SPMIP11: variants seen among roughly 807,000 people sequenced by gnomAD.
SPMIP11 encodes long intergenic non-protein coding RNA 935.
chr12:48,744,033 G>A, the SPMIP11 span, among the ~76,000 whole-genome samples: 2 of 150,350 alleles, frequency 1.3e-5, no homozygotes, highest in Non-Finnish European at 1.5e-5. Flanking sequence ...CCGATCACCT[G>A]AGGTTGGGAA....
the SPMIP11 span, among the ~76,000 whole-genome samples, chr12:48,750,118 G>A: frequency 3.4e-4 from 52 of 152,130 alleles, no homozygotes; most frequent in African/African-American, 1.0e-3. Flanking sequence ...TTGGGAGGCC[G>A]AGGCAGGAAA....
chr12:48,746,318 C>T, the SPMIP11 span, among the ~76,000 whole-genome samples: 5 of 150,840 alleles, frequency 3.3e-5, no homozygotes, highest in Admixed American at 6.6e-5. Flanking sequence ...ATTTGGGGGC[C>T]GGGCACAATA....
At chr12:48,759,953 C>T in the SPMIP11 span, among the ~76,000 whole-genome samples, 7,616 of 151,820 alleles carry the variant, frequency 0.05, 615 homozygotes, top group African/African-American at 0.17. Context: ...ATTACAGGTG[C>T]CTGCCACCAT....
At chr12:48,765,819 G>A in the SPMIP11 span, 1 of 621,184 alleles carries the variant, frequency 1.6e-6, no homozygotes, top group South Asian at 1.8e-5. Flanking sequence ...GGGAGCTGTG[G>A]GGTCAGGATG....
At chr12:48,769,019 C>T in the SPMIP11 span, 31 of 1,613,520 alleles carry the variant, frequency 1.9e-5, no homozygotes, top group African/African-American at 1.1e-4. Flanking sequence ...CTGTGGCTTC[C>T]GAGCCCCGAT....
the SPMIP11 span, among the ~76,000 whole-genome samples, chr12:48,762,495 GT>G: frequency 6.8e-6 from 1 of 146,848 alleles, no homozygotes; most frequent in East Asian, 2.1e-4. Flanking sequence ...AGCCTCCTAA[GT>G]AGCTGGGATT....
chr12:48,764,641 A>C, the SPMIP11 span, among the ~76,000 whole-genome samples: 2 of 152,172 alleles, frequency 1.3e-5, no homozygotes, highest in Non-Finnish European at 2.9e-5. Context: ...AGCAGGAAGA[A>C]CCAAGACTGA....
the SPMIP11 span, chr12:48,727,582 G>A: frequency 1.4e-6 from 1 of 702,198 alleles, no homozygotes; most frequent in Non-Finnish European, 2.6e-6. Context: ...TAGGGTAGAG[G>A]GTTAGAAGGG....
chr12:48,733,169 G>A, the SPMIP11 span, among the ~76,000 whole-genome samples: 1 of 142,264 alleles, frequency 7.0e-6, no homozygotes, highest in African/African-American at 2.6e-5. Flanking sequence ...CTGCCTCCCA[G>A]TTTCAAACAA....
At chr12:48,737,310 A>G in the SPMIP11 span, among the ~76,000 whole-genome samples, 1 of 151,888 alleles carries the variant, frequency 6.6e-6, no homozygotes, top group East Asian at 1.9e-4. Context: ...AAATGATGGA[A>G]TTTATTGTAA....
chr12:48,765,527 C>A, the SPMIP11 span: 2 of 697,740 alleles, frequency 2.9e-6, no homozygotes, highest in African/African-American at 1.7e-5. Flanking sequence ...CCGCGCCCAG[C>A]CTCTTGGGAG....
the SPMIP11 span, among the ~76,000 whole-genome samples, chr12:48,752,065 T>TAAA: frequency 1.2e-5 from 1 of 81,426 alleles, no homozygotes; most frequent in Admixed American, 1.1e-4. Flanking sequence ...AGACTCTGCC[T>TAAA]CAAAAAAAAA....
At chr12:48,769,274 A>G in the SPMIP11 span, among the ~76,000 whole-genome samples, 1 of 151,984 alleles carries the variant, frequency 6.6e-6, no homozygotes, top group Non-Finnish European at 1.5e-5. Context: ...TAGCTGGACA[A>G]TGGTGGTACA....
the SPMIP11 span, among the ~76,000 whole-genome samples, chr12:48,753,692 C>CT: frequency 0.018 from 2,183 of 118,814 alleles, 29 homozygotes; most frequent in African/African-American, 0.024. Flanking sequence ...TTTTTTTTTT[C>CT]TTTTTTTTTT....
chr12:48,747,845 G>A, the SPMIP11 span, among the ~76,000 whole-genome samples: 1 of 152,168 alleles, frequency 6.6e-6, no homozygotes, highest in Non-Finnish European at 1.5e-5. Flanking sequence ...TGACTTCTGG[G>A]AGTTCATTAT....
the SPMIP11 span, among the ~76,000 whole-genome samples, chr12:48,769,759 GTTTT>G: frequency 9.6e-6 from 1 of 103,794 alleles, no homozygotes; most frequent in East Asian, 2.7e-4. Flanking sequence ...ACTAATTTTT[GTTTT>G]TTTTTTTTTT....
chr12:48,753,763 G>T, the SPMIP11 span, among the ~76,000 whole-genome samples: 1 of 145,180 alleles, frequency 6.9e-6, no homozygotes, highest in Non-Finnish European at 1.5e-5. Context: ...GTGCAGTGGC[G>T]CAATATCGGC....
chr12:48,767,970 G>A, the SPMIP11 span: 2 of 157,562 alleles, frequency 1.3e-5, no homozygotes, highest in African/African-American at 4.8e-5. Flanking sequence ...CAGATCATGG[G>A]ACTAAGATTT....
At chr12:48,742,583 T>G in the SPMIP11 span, among the ~76,000 whole-genome samples, 1 of 152,026 alleles carries the variant, frequency 6.6e-6, no homozygotes, top group Non-Finnish European at 1.5e-5. Flanking sequence ...CAGCTTCATT[T>G]TTATAAAAGC....
Sources: allele counts gnomAD v4.1 joint callset (sites outside exome capture counted in the v4.1 genomes callset), GRCh38; gene constraint gnomAD v4.1.1; transcripts MANE v1.5; gene names NCBI Gene and HGNC (gene_info 2026-07-23, HGNC 2026-07-21).